TOX3: variants seen among roughly 807,000 people sequenced by gnomAD.
The protein encoded by TOX3 is TOX high mobility group box family member 3, also known as CAG trinucleotide repeat-containing gene F9 protein.
TOX3 carries 22 observed loss-of-function variants against 64.3 expected under a neutral mutation model. That is an observed-to-expected ratio of 0.34 (90% CI 0.24 to 0.49). The LOEUF (loss-of-function observed/expected upper bound fraction) is 0.49. Ranked by LOEUF, TOX3 falls within the 20% of genes least tolerant of loss-of-function variation. The pLI is 0.99. For synonymous variants in TOX3, 291 were observed against 273.6 expected (o/e 1.06, Z -0.63); for missense variants, 661 against 714.4 (o/e 0.93, Z 0.85).
In TOX3 at chr16:52,455,696, TGG is replaced by T. The variant is rs563381940; in HGVS notation, c.409-5152_409-5151del. 3.0e-4 allele frequency among the ~76,000 whole-genome samples: 46 copies of T among 152,084 alleles called. 1 individual carries two copies. The highest frequency in any genetic ancestry group is 2.0e-3 in the Admixed American group (31 of 15,270). On this transcript the variant is annotated intron_variant, in intron 3 of 6. Coordinates refer to ENST00000219746, the MANE Select transcript of TOX3 (RefSeq NM_001080430.4). ...TAGTATTTGAGCTGATGCTGAAGGA[TGG>T]GGAGAAGCCAACTGTGAAGTGAAGG...
At chr16:52,515,342 T>C (rs1223669104) in intron 1 of TOX3, among the ~76,000 whole-genome samples, 1 of 152,206 alleles carries the variant, frequency 6.6e-6, no homozygotes, top group African/African-American at 2.4e-5. Flanking sequence ...CTAGTTTTTC[T>C]TTGTTTGAAC....
chr16:52,509,296 T>C (rs1962240179), intron 1 of TOX3, among the ~76,000 whole-genome samples: 1 of 152,214 alleles, frequency 6.6e-6, no homozygotes, highest in Non-Finnish European at 1.5e-5. Context: ...AAAATACTCC[T>C]TTTAGAGAAC....
intron 1 of TOX3, among the ~76,000 whole-genome samples, chr16:52,536,237 C>T (rs1962941787): frequency 6.6e-6 from 1 of 151,786 alleles, no homozygotes; most frequent in African/African-American, 2.4e-5. Flanking sequence ...AGGGTACATG[C>T]TATGAACAAA....
At chr16:52,540,593 C>T (rs183673435) in intron 1 of TOX3, among the ~76,000 whole-genome samples, 2 of 152,146 alleles carry the variant, frequency 1.3e-5, no homozygotes, top group African/African-American at 2.4e-5. Context: ...TAGTGAGTAG[C>T]CTAGGGTTGG....
chr16:52,536,792 A>C (rs955306280), intron 1 of TOX3, among the ~76,000 whole-genome samples: 1 of 150,202 alleles, frequency 6.7e-6, no homozygotes, highest in Non-Finnish European at 1.5e-5. Flanking sequence ...GACATTTTTA[A>C]GAGTCAAGGT....
intron 1 of TOX3, among the ~76,000 whole-genome samples, chr16:52,529,619 T>C (rs1025769802): frequency 6.6e-6 from 1 of 152,356 alleles, no homozygotes; most frequent in Admixed American, 6.5e-5. Context: ...CATATCCTAC[T>C]GCCCTAGACA....
chr16:52,506,390 G>A (rs1962163661), intron 1 of TOX3, among the ~76,000 whole-genome samples: 1 of 152,142 alleles, frequency 6.6e-6, no homozygotes, highest in East Asian at 1.9e-4. Flanking sequence ...ATCTCTCAAA[G>A]GTGAGAAATC....
intron 1 of TOX3, among the ~76,000 whole-genome samples, chr16:52,537,019 C>G (rs1962964856): frequency 6.6e-6 from 1 of 151,994 alleles, no homozygotes. Flanking sequence ...AGTGTTCGTT[C>G]CAACAGCAAC....
intron 1 of TOX3, among the ~76,000 whole-genome samples, chr16:52,509,442 G>A (rs1358845037): frequency 1.3e-5 from 2 of 152,166 alleles, no homozygotes; most frequent in Admixed American, 1.3e-4. Flanking sequence ...GCAAATTAAA[G>A]TTTTCCCACT....
At chr16:52,537,878 T>TAAAAAAAAAAAAAAAAAAAAAAAA (rs57403617) in intron 1 of TOX3, among the ~76,000 whole-genome samples, 6 of 111,036 alleles carry the variant, frequency 5.4e-5, no homozygotes, top group Non-Finnish European at 5.7e-5. Context: ...GCTGATATGA[T>TAAAAAAAAAAAAAAAAAAAAAAAA]AAAAAAAAAA....
At chr16:52,464,215 T>C in intron 2 of TOX3, 27 bp from the exon 3 acceptor site, 1 of 1,463,104 alleles carries the variant, frequency 6.8e-7, no homozygotes, top group Non-Finnish European at 9.1e-7. Flanking sequence ...TACAGGTATC[T>C]TCATATTCTG....
At position 52,439,216 on chromosome 16, in the gene TOX3, T is replaced by A. The variant is rs373582676; in HGVS notation, c.*9A>T. ...TTGGTATACGCAAATCCGTCTGCCA[T>A]ATGCGTCTTCAGAAAATACTGACCT... On this transcript the variant is annotated 3_prime_UTR_variant, in exon 7 of 7. Transcript: ENST00000219746. The A allele has an allele frequency of 6.2e-7, 1 of 1,613,866 alleles. No homozygotes were observed. The highest frequency in any genetic ancestry group is 1.1e-5 in the South Asian group (1 of 91,066).
At chr16:52,465,419 G>A (rs774374272) in intron 2 of TOX3, among the ~76,000 whole-genome samples, 6 of 150,196 alleles carry the variant, frequency 4.0e-5, no homozygotes, top group Non-Finnish European at 8.9e-5. Context: ...TTTTTTTGGC[G>A]AGAGGTTCTG....
At chr16:52,528,874 C>G (rs1962784659) in intron 1 of TOX3, among the ~76,000 whole-genome samples, 1 of 152,180 alleles carries the variant, frequency 6.6e-6, no homozygotes, top group South Asian at 2.1e-4. Flanking sequence ...GCACCAGGCA[C>G]TAGGCACCGG....
chr16:52,511,967 G>A (rs941731909), intron 1 of TOX3, among the ~76,000 whole-genome samples: 2 of 152,182 alleles, frequency 1.3e-5, no homozygotes, highest in Admixed American at 6.5e-5. Flanking sequence ...GAGGGCAAGA[G>A]AACTTGGAAT....
chr16:52,509,580 C>A (rs1459212421), intron 1 of TOX3, among the ~76,000 whole-genome samples: 2 of 152,160 alleles, frequency 1.3e-5, no homozygotes, highest in Non-Finnish European at 2.9e-5. Context: ...TCTCTATCCA[C>A]GTTCTTTCAA....
intron 4 of TOX3, among the ~76,000 whole-genome samples, chr16:52,447,339 A>AT (rs1436066797): frequency 6.6e-6 from 1 of 152,236 alleles, no homozygotes; most frequent in South Asian, 2.1e-4. Context: ...TAGGCTTTTA[A>AT]TGACTTGAAT....
intron 1 of TOX3, among the ~76,000 whole-genome samples, chr16:52,485,877 G>A (rs1366308744): frequency 6.6e-6 from 1 of 152,068 alleles, no homozygotes; most frequent in Non-Finnish European, 1.5e-5. Context: ...ATTGAGAGGG[G>A]TGAGGGAGAA....
chr16:52,501,150 G>A (rs565567475), intron 1 of TOX3, among the ~76,000 whole-genome samples: 1 of 152,308 alleles, frequency 6.6e-6, no homozygotes, highest in South Asian at 2.1e-4. Flanking sequence ...ATTCTACAGA[G>A]GAACAAACAG....
Sources: gnomAD v4.1 joint callset for allele counts (sites outside exome capture counted in the v4.1 genomes callset) on GRCh38, gnomAD v4.1.1 for gene constraint, MANE v1.5 for transcripts, NCBI Gene and HGNC (gene_info 2026-07-23, HGNC 2026-07-21) for gene names.